Variants in SMTNL1 observed in about 807,000 individuals in gnomAD.
SMTNL1 encodes the protein smoothelin-like protein 1.
Under a neutral mutation model 46.6 loss-of-function variants are expected in SMTNL1, and 41 were observed. The observed-to-expected ratio is 0.88, with a 90% CI of 0.69 to 1.14. The LOEUF is 1.14. Ranked by LOEUF, SMTNL1 falls within the 50% of genes most tolerant of loss-of-function variation. The pLI is 0.00. For missense variants in SMTNL1, 591 were observed against 626.1 expected, an observed-to-expected ratio of 0.94 and a Z score of 0.60; for synonymous variants, 234 against 234.2, an observed-to-expected ratio of 1.00 and a Z score of 0.01.
chr11:57,540,846 G>A (rs1944869312), intron 1 of SMTNL1, among the ~76,000 whole-genome samples: 1 of 152,058 alleles, frequency 6.6e-6, no homozygotes, highest in Non-Finnish European at 1.5e-5. Flanking sequence ...AAGTAGCTGG[G>A]ATTACAGGCG....
chr11:57,542,269 G>A (rs1221290942), intron 1 of SMTNL1, among the ~76,000 whole-genome samples: 1 of 152,204 alleles, frequency 6.6e-6, no homozygotes, highest in African/African-American at 2.4e-5. Flanking sequence ...CTGCACTCCA[G>A]CCTGGATGAC....
chr11:57,537,841 G>A (rs540646303), intron 1 of SMTNL1, among the ~76,000 whole-genome samples, 199 bp downstream of exon 1: 2 of 152,310 alleles, frequency 1.3e-5, no homozygotes, highest in East Asian at 1.9e-4. Flanking sequence ...CTACAGAGCA[G>A]ACTGCAAGTG....
Position 57,546,545 on chromosome 11 carries a change from G to A in SMTNL1, c.1233G>A (p.Met411Ile). 1 of 1,614,188 alleles carries A rather than the reference G, an allele frequency of 6.2e-7. No homozygotes were observed. Among genetic ancestry groups the A allele is most frequent in the Non-Finnish European group, 8.5e-7 (1 of 1,180,020 alleles). The change falls in exon 7 of 8, where the codon ATG (methionine) becomes ATA (isoleucine). Residue 411 changes from methionine to isoleucine, a missense_variant. Physicochemically the swap from Met to Ile is conservative, Grantham distance 10 (BLOSUM62 1). Coordinates refer to ENST00000527972, the MANE Select transcript of SMTNL1 (RefSeq NM_001105565.3). ...QNFSSSWSSGMAFCALIHKFF... is the reference protein window; with the variant it reads ...QNFSSSWSSGIAFCALIHKFF... ...TCTCCTCCAGCTGGAGCAGTGGTAT[G>A]GCCTTCTGTGCCCTCATCCACAAGT...
intron 4 of SMTNL1, among the ~76,000 whole-genome samples, chr11:57,545,100 G>T (rs1251725614): frequency 2.0e-5 from 3 of 151,798 alleles, no homozygotes; most frequent in Non-Finnish European, 4.4e-5. Context: ...GCCTCCCAAA[G>T]TGCTGGGATT....
chr11:57,548,485 C>T (rs1944936662), intron 7 of SMTNL1, among the ~76,000 whole-genome samples: 2 of 152,216 alleles, frequency 1.3e-5, no homozygotes, highest in African/African-American at 2.4e-5. Context: ...GCCTGGCCAA[C>T]ATGGTGAAAC....
rs150616567 is a variant in SMTNL1, at chr11:57,538,881, C to T, written c.-3+1239C>T. Among the ~76,000 whole-genome samples the T allele has an allele frequency of 6.9e-3, 1,052 of 152,218 alleles. 10 individuals carry two copies. The highest frequency in any genetic ancestry group is 0.024 in the African/African-American group (988 of 41,510). On this transcript the variant is annotated intron_variant, in intron 1 of 7. Coordinates refer to ENST00000527972, the MANE Select transcript of SMTNL1 (RefSeq NM_001105565.3). ...TGTGAATGCTGGGGGTGGGTGGTGGCGTCCTGGTTTCTCAGCATTCTGAGC... is the reference window on the plus strand; with the variant it reads ...TGTGAATGCTGGGGGTGGGTGGTGGTGTCCTGGTTTCTCAGCATTCTGAGC...
At position 57,546,492 on chromosome 11, in the gene SMTNL1, C is replaced by G; in HGVS notation, c.1189-9C>G. On this transcript the variant is annotated splice_polypyrimidine_tract_variant and intron_variant, in intron 6 of 7. Coordinates refer to ENST00000527972, the MANE Select transcript of SMTNL1 (RefSeq NM_001105565.3). The stretch of plus-strand genomic sequence containing the variant: ...CACTGAGGCCTCCTCTGTGCCCTGC[C>G]TGCCATAGCATGTGGACATCCAGAA... The G allele has an allele frequency of 1.9e-6, 3 of 1,614,050 alleles. No individual in the cohort carries two copies. The highest frequency in any genetic ancestry group is 1.7e-6 in the Non-Finnish European group (2 of 1,179,962).
In SMTNL1 at chr11:57,542,943, A is replaced by C. The variant is rs2135262794; in HGVS notation, c.301A>C (p.Lys101Gln). 2 of 1,603,556 alleles carry C rather than the reference A, an allele frequency of 1.2e-6. No homozygotes were observed. Among genetic ancestry groups the C allele is most frequent in the Middle Eastern group, 3.3e-4 (2 of 6,058 alleles). The change falls in exon 2 of 8, where the codon AAG (lysine) becomes CAG (glutamine). Residue 101 changes from lysine (K) to glutamine (Q), a missense_variant. Lys to Gln is a moderately conservative substitution (Grantham distance 53, BLOSUM62 1). Transcript: ENST00000527972. Reference sequence around the variant, plus strand: ...TGAACTTAAAAAGGAGGATGGTGAGAAGGAAGAGACCACTGTGGGTTCTCA... The same window carrying C: ...TGAACTTAAAAAGGAGGATGGTGAGCAGGAAGAGACCACTGTGGGTTCTCA... Reference protein sequence around the residue: ...EAELKKEDGEKEETTVGSQEM... With the variant: ...EAELKKEDGEQEETTVGSQEM...
chr11:57,540,997 C>G (rs140114373), intron 1 of SMTNL1, among the ~76,000 whole-genome samples: 73 of 152,342 alleles, frequency 4.8e-4, no homozygotes, highest in Non-Finnish European at 8.4e-4. Context: ...GTGTGATCCA[C>G]CATGCCCGGC....
rs772949320 is a variant in SMTNL1, at chr11:57,545,865, G to A, written c.918-16G>A. 2.1e-5 allele frequency: 34 copies of A among 1,600,174 alleles called. No homozygotes were observed. The highest frequency in any genetic ancestry group is 2.8e-5 in the Non-Finnish European group (33 of 1,172,662). ...GTCCCAGCCTCTCTCACACGTCTTT[G>A]GACTTCTCCATATAGTGAGTCTTCA... On this transcript the variant is annotated splice_polypyrimidine_tract_variant and intron_variant, in intron 4 of 7. Transcript: ENST00000527972.
rs753359199 is a variant in SMTNL1 at position 57,542,862 on chromosome 11, G to C, written c.220G>C (p.Asp74His). Residue 74 changes from aspartate (D) to histidine (H), a missense_variant, in exon 2 of 8, where the codon GAT (aspartate) becomes CAT (histidine). Coordinates refer to ENST00000527972, the MANE Select transcript of SMTNL1 (RefSeq NM_001105565.3). Reference sequence around the variant, plus strand: ...ACTCCAGGGGGAAGCAAATGGATTAGATGAGGTCAAAGTGGAATCTCAGAG... The same window carrying C: ...ACTCCAGGGGGAAGCAAATGGATTACATGAGGTCAAAGTGGAATCTCAGAG... ...AELQGEANGL[D>H]EVKVESQREA... The C allele has an allele frequency of 5.6e-6, 9 of 1,612,556 alleles. No homozygotes were observed. The Admixed American group carries it at 1.3e-4, about 24-fold the overall frequency.
chr11:57,542,501 G>A (rs1944887179), intron 1 of SMTNL1, 140 bp from the exon 2 acceptor site: 3 of 940,466 alleles, frequency 3.2e-6, no homozygotes, highest in East Asian at 2.7e-5. Flanking sequence ...TCTCTCCTTC[G>A]TGATTGGGCC....
At chr11:57,542,110 A>AC (rs57963775) in intron 1 of SMTNL1, among the ~76,000 whole-genome samples, 2,491 of 109,750 alleles carry the variant, frequency 0.023, 73 homozygotes, top group African/African-American at 0.089. Flanking sequence ...TCTACAAAAA[A>AC]AAAACACACA....
intron 1 of SMTNL1, among the ~76,000 whole-genome samples, chr11:57,539,677 T>C (rs979501458): frequency 3.3e-5 from 5 of 152,130 alleles, no homozygotes; most frequent in African/African-American, 9.7e-5. Context: ...TTCATAGGCA[T>C]CATTATAGTG....
At chr11:57,548,293 C>A (rs1436888206) in intron 7 of SMTNL1, among the ~76,000 whole-genome samples, 2 of 152,178 alleles carry the variant, frequency 1.3e-5, no homozygotes, top group Admixed American at 1.3e-4. Flanking sequence ...GGGGCCCTTG[C>A]ACCTGCTGTT....
intron 2 of SMTNL1, 71 bp from the exon 3 acceptor site, chr11:57,543,553 T>C: frequency 8.3e-6 from 13 of 1,558,488 alleles, no homozygotes; most frequent in South Asian, 1.2e-5. Context: ...TTTCAGAACT[T>C]TCTGAAGTCC....
intron 4 of SMTNL1, 74 bp from the exon 5 acceptor site, chr11:57,545,807 C>T: frequency 7.0e-7 from 1 of 1,423,620 alleles, no homozygotes; most frequent in East Asian, 2.5e-5. Flanking sequence ...ACCCTCCAGC[C>T]CCACAGCCCC....
At position 57,542,741 on chromosome 11, in the gene SMTNL1, G is replaced by C. The variant is rs759546869; in HGVS notation, c.99G>C (p.Glu33Asp). Reference sequence around the variant, plus strand: ...CAGGAGGTGGAGCCCCTGCAGAGGAGACCAAAGGCACAGCTGGAAAGGCCA... The same window carrying C: ...CAGGAGGTGGAGCCCCTGCAGAGGACACCAAAGGCACAGCTGGAAAGGCCA... ...EMSGGGAPAE[E>D]TKGTAGKAIN... The change falls in exon 2 of 8, where the codon GAG (glutamate) becomes GAC (aspartate). Residue 33 changes from glutamate to aspartate, a missense_variant. Glu to Asp is a conservative substitution (Grantham distance 45). Transcript: ENST00000527972. 2.5e-6 allele frequency: 4 copies of C among 1,613,942 alleles called. No individual in the cohort carries two copies. Among genetic ancestry groups the C allele is most frequent in the South Asian group, 2.2e-5 (2 of 91,064 alleles).
chr11:57,543,344 A>C lies in SMTNL1; in HGVS notation c.702A>C (p.Ala234=), dbSNP rs373299953. 1.2e-6 allele frequency: 2 copies of C among 1,613,950 alleles called. No individual in the cohort carries two copies. The highest frequency in any genetic ancestry group is 1.3e-5 in the African/African-American group (1 of 75,062). The change falls in exon 2 of 8, where the codon GCA becomes GCC. Residue 234 remains alanine (A), a synonymous_variant. Coordinates refer to ENST00000527972, the MANE Select transcript of SMTNL1 (RefSeq NM_001105565.3). ...AKHGAKEEAD[A]KEEAEDAEEA... is the part of the protein sequence containing the mutation. ...ATGGTGCAAAAGAGGAGGCTGATGC[A>C]AAAGAGGAGGCGGAGGATGCAGAGG...
Sources: gnomAD v4.1 joint callset for allele counts (sites outside exome capture counted in the v4.1 genomes callset) on GRCh38, gnomAD v4.1.1 for gene constraint, MANE v1.5 for transcripts, NCBI Gene and HGNC (gene_info 2026-07-23, HGNC 2026-07-21) for gene names.